The following USP8 variants were observed in gnomAD, a reference collection of about 807,000 sequenced individuals.
The protein encoded by USP8 is ubiquitin carboxyl-terminal hydrolase 8.
USP8 carries 27 observed loss-of-function variants against 130.0 expected under a neutral mutation model. The ratio of observed to expected loss-of-function variants is 0.21; its 90% CI spans 0.15 to 0.29. USP8 has a LOEUF of 0.29. Among genes scored for constraint, USP8 ranks in the 10% least tolerant of loss-of-function variants. The pLI is 1.00. For missense variants in USP8, 1,029 were observed against 1,312.2 expected, an observed-to-expected ratio of 0.78 and a Z score of 3.33; for synonymous variants, 392 against 444.1, an observed-to-expected ratio of 0.88 and a Z score of 1.48.
At position 50,489,785 on chromosome 15, in the gene USP8, A is replaced by AT; in HGVS notation, c.1891-12dup. ...AAAAAATTTTTTTTTAATTTTTTTT[A>AT]TTTTATTTTAATTAGGCTCAACGAG... On this transcript the variant is annotated splice_polypyrimidine_tract_variant and intron_variant, in intron 12 of 19. Transcript: ENST00000307179. 7.0e-7 allele frequency: 1 copy of AT among 1,438,586 alleles called. No homozygotes were observed. The highest frequency in any genetic ancestry group is 1.5e-5 in the African/African-American group (1 of 67,902). 89.1% of individuals were successfully genotyped at this position (1,438,586 alleles called of 1,614,324 possible). A position where few individuals can be genotyped will look rare whatever the true frequency, so the allele number is the denominator to read the frequency against.
chr15:50,463,360 C>T (rs914395206), intron 6 of USP8: 1 of 152,254 alleles, frequency 6.6e-6, no homozygotes, highest in Non-Finnish European at 1.5e-5. Flanking sequence ...ACGTTTTCCT[C>T]TCTCAGAAAA....
chr15:50,492,436 T>G (rs2141320461), intron 14 of USP8, among the ~76,000 whole-genome samples: 1 of 152,298 alleles, frequency 6.6e-6, no homozygotes, highest in Admixed American at 6.5e-5. Context: ...AGATAATCTA[T>G]CTCAAGGTGT....
chr15:50,480,638 T>C (rs1194412866), intron 10 of USP8, among the ~76,000 whole-genome samples: 1 of 152,170 alleles, frequency 6.6e-6, no homozygotes, highest in Non-Finnish European at 1.5e-5. Context: ...GAATAATTTT[T>C]TTTTTAAGGC....
In USP8 at chr15:50,474,383, G is replaced by A. The variant is rs192143732; in HGVS notation, c.850-2466G>A. Reference sequence around the variant, plus strand: ...AAGAAAACTCATTCTGCTGGTAGGAGGGTCAGCTGATTGCCGTTGAGAAAG... The same window carrying A: ...AAGAAAACTCATTCTGCTGGTAGGAAGGTCAGCTGATTGCCGTTGAGAAAG... On this transcript the variant is annotated intron_variant, in intron 8 of 19. Transcript: ENST00000307179. 6.3e-3 allele frequency among the ~76,000 whole-genome samples: 966 copies of A among 152,244 alleles called. 4 individuals carry two copies. Among genetic ancestry groups the A allele is most frequent in the Non-Finnish European group, 9.6e-3 (654 of 68,002 alleles).
rs34193682 is a variant in USP8 at position 50,477,838 on chromosome 15, CAA to C, written c.1218+352_1218+353del. On this transcript the variant is annotated intron_variant, in intron 10 of 19. Transcript: ENST00000307179. ...CCTGGGTGACAGCAAGACTCTGTCT[CAA>C]AAAAAAAAAAAAGAATTAAATACAT... Among the ~76,000 whole-genome samples the C allele has an allele frequency of 1.3e-3, 169 of 129,156 alleles. 1 individual carries two copies. The highest frequency in any genetic ancestry group is 1.5e-3 in the African/African-American group (50 of 33,316). The allele number at this position is 129,156 out of a possible 152,430, so 84.7% of individuals were successfully genotyped here.
intron 1 of USP8, among the ~76,000 whole-genome samples, chr15:50,431,838 T>G (rs2049940726): frequency 6.6e-6 from 1 of 152,234 alleles, no homozygotes; most frequent in East Asian, 1.9e-4. Flanking sequence ...GTATTTTTAG[T>G]AGAGACGGGG....
Position 50,462,293 on chromosome 15 carries a change from A to G in USP8, c.512A>G (p.Lys171Arg). The G allele has an allele frequency of 6.2e-7, 1 of 1,602,926 alleles. No homozygotes were observed. Among genetic ancestry groups the G allele is most frequent in the East Asian group, 2.2e-5 (1 of 44,686 alleles). Reference protein sequence around the residue: ...KDKTQKSNGEKNEKCETKEKG... With the variant: ...KDKTQKSNGERNEKCETKEKG... The stretch of plus-strand genomic sequence containing the variant: ...CCTATGCAATAGAGCAATGGTGAAA[A>G]GAATGAAAAATGTGAGACCAAAGAG... The change falls in exon 6 of 20, where the codon AAG becomes AGG. Residue 171 changes from lysine (K) to arginine (R), a missense_variant. Physicochemically the swap from Lys to Arg is conservative, Grantham distance 26. Transcript: ENST00000307179.
intron 13 of USP8, 34 bp downstream of exon 13, chr15:50,489,915 G>A: frequency 6.7e-7 from 1 of 1,485,308 alleles, no homozygotes; most frequent in African/African-American, 1.4e-5. Flanking sequence ...AATAGCCACT[G>A]TGTTCCTAAA....
intron 10 of USP8, among the ~76,000 whole-genome samples, chr15:50,478,037 C>T (rs766916909): frequency 6.6e-6 from 1 of 152,098 alleles, no homozygotes; most frequent in Non-Finnish European, 1.5e-5. Flanking sequence ...AGCCAGTTGG[C>T]GATCCATTTG....
chr15:50,427,657 G>C (rs2049786323), intron 1 of USP8, among the ~76,000 whole-genome samples: 1 of 150,292 alleles, frequency 6.7e-6, no homozygotes, highest in Admixed American at 6.7e-5. Flanking sequence ...CCGCCTCCTG[G>C]GTTTAAGCAA....
chr15:50,501,222 G>A lies in USP8; in HGVS notation c.*2134G>A, dbSNP rs2052580565. 1 of 168,570 alleles carries A rather than the reference G, an allele frequency of 5.9e-6. No homozygotes were observed. Among genetic ancestry groups the A allele is most frequent in the African/African-American group, 2.4e-5 (1 of 41,734 alleles). 10.4% of individuals were successfully genotyped at this position (168,570 alleles called of 1,614,324 possible). A position where few individuals can be genotyped will look rare whatever the true frequency, so the allele number is the denominator to read the frequency against. On this transcript the variant is annotated 3_prime_UTR_variant, in exon 20 of 20. Transcript: ENST00000307179. ...CACCTGTAATCCCAACACTCTGGGA[G>A]GCTGAGGCAGGTGGATTGCTTGAGT...
chr15:50,482,155 G>A, intron 11 of USP8, 90 bp downstream of exon 11: 4 of 1,241,336 alleles, frequency 3.2e-6, no homozygotes, highest in Non-Finnish European at 4.3e-6. Context: ...AAAAGGGCAG[G>A]CATTTCAAAT....
chr15:50,461,272 G>A (rs62019084), intron 5 of USP8, among the ~76,000 whole-genome samples: 20,851 of 151,876 alleles, frequency 0.14, 1,953 homozygotes, highest in Middle Eastern at 0.28. Context: ...GATTACAGGC[G>A]TCAGCCACCG....
Position 50,500,917 on chromosome 15 carries a change from T to C in USP8, c.*1829T>C. 2 of 1,194,254 alleles carry C rather than the reference T, an allele frequency of 1.7e-6. No homozygotes were observed. Among genetic ancestry groups the C allele is most frequent in the Non-Finnish European group, 2.4e-6 (2 of 826,898 alleles). 74.0% of individuals were successfully genotyped at this position (1,194,254 alleles called of 1,614,324 possible). On this transcript the variant is annotated 3_prime_UTR_variant, in exon 20 of 20. Transcript: ENST00000307179. ...GAACAGAAATGATAGGGCCAAGAGA[T>C]GCTTTTTAAATTGTCCCTTATTCTA...
chr15:50,427,631 C>T lies in USP8; in HGVS notation c.-66+3117C>T, dbSNP rs369982126. On this transcript the variant is annotated intron_variant, in intron 1 of 19. Transcript: ENST00000307179. ...AGGCTGGAGTGCAGTGGTGAGTTCT[C>T]GGCTCACTGAAATGTCCGCCTCCTG... is the stretch of plus-strand genomic sequence containing the variant. 7.5e-4 allele frequency among the ~76,000 whole-genome samples: 101 copies of T among 134,418 alleles called. 2 individuals are homozygous for T. The South Asian group carries it at 0.021, about 28-fold the overall frequency. 88.2% of individuals were successfully genotyped at this position (134,418 alleles called of 152,430 possible). A position where few individuals can be genotyped will look rare whatever the true frequency, so the allele number is the denominator to read the frequency against.
intron 4 of USP8, among the ~76,000 whole-genome samples, chr15:50,450,462 C>CTTTTTTTTTTTTTTTTTTTTTTTTTTT (rs35800074): frequency 6.2e-5 from 5 of 80,456 alleles, no homozygotes; most frequent in South Asian, 4.9e-4. Context: ...GTTAGTCATT[C>CTTTTTTTTTTTTTTTTTTTTTTTTTTT]TTTTTTTTTT....
chr15:50,443,785 T>A (rs1338584606), intron 3 of USP8, among the ~76,000 whole-genome samples: 2 of 152,058 alleles, frequency 1.3e-5, no homozygotes, highest in Non-Finnish European at 2.9e-5. Context: ...CCTGGCCAAT[T>A]ACTAGGTTTT....
Position 50,502,900 on chromosome 15 carries a change from C to A in USP8, c.*3812C>A, listed in dbSNP as rs1028647420. The A allele has an allele frequency of 6.6e-6, 1 of 152,238 alleles. No individual in the cohort carries two copies. Among genetic ancestry groups the A allele is most frequent in the South Asian group, 2.1e-4 (1 of 4,832 alleles). The allele number at this position is 152,238 out of a possible 1,614,324, so 9.4% of individuals were successfully genotyped here. ...ACCTTTCTGAGCTTTAATTTCTCATCTATTAACATGGCTTGTTTTGTATAG... is the reference window on the plus strand; with the variant it reads ...ACCTTTCTGAGCTTTAATTTCTCATATATTAACATGGCTTGTTTTGTATAG... On this transcript the variant is annotated 3_prime_UTR_variant, in exon 20 of 20. Transcript: ENST00000307179.
intron 12 of USP8, 71 bp downstream of exon 12, chr15:50,484,432 AC>A: frequency 8.4e-7 from 1 of 1,190,050 alleles, no homozygotes; most frequent in Non-Finnish European, 1.2e-6. Flanking sequence ...TGATTATCTT[AC>A]CACACTGCTA....
Sources: allele counts gnomAD v4.1 joint callset (sites outside exome capture counted in the v4.1 genomes callset), GRCh38; gene constraint gnomAD v4.1.1; transcripts MANE v1.5; gene names NCBI Gene and HGNC (gene_info 2026-07-23, HGNC 2026-07-21).